Variants in ERG observed in about 807,000 individuals in gnomAD.
The protein encoded by ERG is transcriptional regulator ERG.
ERG carries 9 observed loss-of-function variants against 55.3 expected under a neutral mutation model. That is an observed-to-expected ratio of 0.16 (90% CI 0.10 to 0.28). The LOEUF (loss-of-function observed/expected upper bound fraction) is 0.28, where lower values mean the gene tolerates loss of function less well. Ranked by LOEUF, ERG falls within the 10% of genes least tolerant of loss-of-function variation. ERG has a pLI of 1.00. For synonymous variants in ERG, 223 were observed against 237.3 expected (o/e 0.94, Z 0.55); for missense variants, 434 against 631.6 (o/e 0.69, Z 3.35).
chr21:38,521,604 G>A (rs189109477), intron 2 of ERG, among the ~76,000 whole-genome samples: 85 of 152,300 alleles, frequency 5.6e-4, no homozygotes, highest in African/African-American at 1.6e-3. Context: ...AATAAAATGA[G>A]AGAGGAACCT....
intron 1 of ERG, among the ~76,000 whole-genome samples, chr21:38,485,325 A>G (rs7282099): frequency 0.97 from 148,408 of 152,258 alleles, 72,368 homozygotes; most frequent in African/African-American, 0.99. Context: ...ACTGAACCAC[A>G]TATTTGTGTT....
chr21:38,451,853 T>G (rs911675874), intron 1 of ERG, among the ~76,000 whole-genome samples: 2 of 152,238 alleles, frequency 1.3e-5, no homozygotes, highest in African/African-American at 4.8e-5. Context: ...GACCAGTGTG[T>G]CTTTTATTTA....
At chr21:38,400,442 G>T in intron 6 of ERG, 132 bp downstream of exon 6, 1 of 796,644 alleles carries the variant, frequency 1.3e-6, no homozygotes, top group Non-Finnish European at 2.3e-6. Context: ...AACAGAGGCA[G>T]AATAAGACTG....
intron 2 of ERG, among the ~76,000 whole-genome samples, chr21:38,574,854 T>C (rs2059985126): frequency 6.6e-6 from 1 of 152,214 alleles, no homozygotes; most frequent in South Asian, 2.1e-4. Flanking sequence ...AGCATAGATA[T>C]AGTTGAACTA....
chr21:38,415,361 T>C (rs565901170), intron 3 of ERG, among the ~76,000 whole-genome samples: 5 of 152,246 alleles, frequency 3.3e-5, no homozygotes, highest in South Asian at 2.1e-4. Flanking sequence ...CAATAGATAG[T>C]AGCTGTCGTT....
intron 1 of ERG, among the ~76,000 whole-genome samples, chr21:38,618,183 G>T (rs1357000315): frequency 6.6e-6 from 1 of 152,228 alleles, no homozygotes; most frequent in East Asian, 1.9e-4. Flanking sequence ...TGCAGCCCCA[G>T]TGAGAAGTTG....
intron 1 of ERG, among the ~76,000 whole-genome samples, chr21:38,461,315 T>A (rs2059040497): frequency 6.6e-6 from 1 of 152,184 alleles, no homozygotes; most frequent in Non-Finnish European, 1.5e-5. Context: ...TATAAGGACA[T>A]CAGTCCCACT....
intron 2 of ERG, among the ~76,000 whole-genome samples, chr21:38,430,733 C>T (rs1990164188): frequency 6.6e-6 from 1 of 152,196 alleles, no homozygotes; most frequent in Middle Eastern, 3.2e-3. Context: ...CATAACACCT[C>T]ACAACTCCCT....
intron 1 of ERG, among the ~76,000 whole-genome samples, chr21:38,590,398 G>A (rs974987218): frequency 1.3e-5 from 2 of 152,182 alleles, no homozygotes; most frequent in African/African-American, 2.4e-5. Context: ...AAGGAAGCAC[G>A]CTGCAGGGAA....
rs1011945862 is a variant in ERG at position 38,380,112 on chromosome 21, C to A, written c.*3291G>T. 3.9e-6 allele frequency: 4 copies of A among 1,027,482 alleles called. No individual in the cohort carries two copies. In the African/African-American group the frequency reaches 6.8e-5, roughly 17 times the overall value. The allele number at this position is 1,027,482 out of a possible 1,614,324, so 63.6% of individuals were successfully genotyped here. A position where few individuals can be genotyped will look rare whatever the true frequency, so the allele number is the denominator to read the frequency against. The stretch of plus-strand genomic sequence containing the variant: ...TTTATTTGAATGAATTAATGAGAAG[C>A]TAAATAAACTAGCTTTTTAAAAAAT... On this transcript the variant is annotated 3_prime_UTR_variant, in exon 10 of 10. Coordinates refer to ENST00000288319, the MANE Select transcript of ERG (RefSeq NM_182918.4).
upstream of ERG, among the ~76,000 whole-genome samples, chr21:38,499,481 C>T (rs536703817): frequency 9.2e-5 from 14 of 152,220 alleles, no homozygotes; most frequent in African/African-American, 2.9e-4. Context: ...GCTACAGGAA[C>T]GCAGGACCCA....
At chr21:38,441,891 A>C (rs1012330216) in intron 2 of ERG, among the ~76,000 whole-genome samples, 2 of 152,200 alleles carry the variant, frequency 1.3e-5, no homozygotes, top group East Asian at 3.9e-4. Flanking sequence ...CCCTTCATGA[A>C]CAGCACCTGC....
At chr21:38,417,541 C>T (rs952448713) in intron 3 of ERG, among the ~76,000 whole-genome samples, 19 of 152,314 alleles carry the variant, frequency 1.2e-4, no homozygotes, top group African/African-American at 4.6e-4. Context: ...GTAATCCCAG[C>T]ACTTTGGGTG....
At chr21:38,521,906 A>G (rs1037522446) in intron 2 of ERG, among the ~76,000 whole-genome samples, 11 of 152,184 alleles carry the variant, frequency 7.2e-5, no homozygotes, top group African/African-American at 1.9e-4. Flanking sequence ...AAAATTTGCA[A>G]CTTATGGCTT....
chr21:38,562,435 GC>G (rs2059898374), intron 2 of ERG, among the ~76,000 whole-genome samples: 1 of 152,092 alleles, frequency 6.6e-6, no homozygotes, highest in South Asian at 2.1e-4. Flanking sequence ...TGGTCCTCAG[GC>G]CAGCAGAACC....
At chr21:38,528,573 A>G (rs1229671029) in intron 2 of ERG, among the ~76,000 whole-genome samples, 1 of 82,776 alleles carries the variant, frequency 1.2e-5, no homozygotes, top group Non-Finnish European at 2.7e-5. Context: ...TCAGCCTCCC[A>G]AGTAGCTGGG....
At chr21:38,371,231 A>G in the ERG span, among the ~76,000 whole-genome samples, 1 of 152,088 alleles carries the variant, frequency 6.6e-6, no homozygotes, top group Non-Finnish European at 1.5e-5. Context: ...TAAAAATGCA[A>G]TTGAATTTTG....
chr21:38,656,808 G>C (rs115164801), intron 1 of ERG, among the ~76,000 whole-genome samples: 2,042 of 152,272 alleles, frequency 0.013, 49 homozygotes, highest in African/African-American at 0.047. Flanking sequence ...CTGACATCAA[G>C]TGAAAATAAG....
chr21:38,385,707 A>C (rs921963082), intron 9 of ERG, among the ~76,000 whole-genome samples: 1 of 152,246 alleles, frequency 6.6e-6, no homozygotes, highest in Non-Finnish European at 1.5e-5. Context: ...CCACATATAC[A>C]AACTGTTCCC....
Sources: allele counts gnomAD v4.1 joint callset (sites outside exome capture counted in the v4.1 genomes callset), GRCh38; gene constraint gnomAD v4.1.1; transcripts MANE v1.5; gene names NCBI Gene and HGNC (gene_info 2026-07-23, HGNC 2026-07-21).